The following RIC3 variants were observed in gnomAD, a reference collection of about 807,000 sequenced individuals.
RIC3 encodes the protein protein RIC-3.
A neutral mutation model predicts 27.3 loss-of-function variants in RIC3; 28 were observed. That is an observed-to-expected ratio of 1.02 (90% CI 0.76 to 1.41). RIC3 has a LOEUF of 1.41. RIC3 is among the 40% of genes most tolerant of loss of function. The pLI is 0.00. For synonymous variants in RIC3, 184 were observed against 160.4 expected (o/e 1.15, Z -1.11); for missense variants, 501 against 444.7 (o/e 1.13, Z -1.14).
intron 1 of RIC3, among the ~76,000 whole-genome samples, chr11:8,145,335 G>C (rs1247567397): frequency 2.0e-5 from 3 of 152,044 alleles, no homozygotes; most frequent in African/African-American, 7.2e-5. Flanking sequence ...GGGGCCATAA[G>C]GTTTTTTCTT....
intron 4 of RIC3, among the ~76,000 whole-genome samples, chr11:8,131,900 CAAAAAAAAAAAAAAA>C (rs796158730): frequency 7.6e-5 from 2 of 26,190 alleles, no homozygotes; most frequent in South Asian, 4.3e-3. Flanking sequence ...GACTCCATCT[CAAAAAAAAAAAAAAA>C]AAAAAAAAAA....
the RIC3 span, chr11:8,094,014 T>C: frequency 6.2e-7 from 1 of 1,613,940 alleles, no homozygotes; most frequent in Non-Finnish European, 8.5e-7. Flanking sequence ...TGCCTGTTTC[T>C]CTCTCTCCAT....
At chr11:8,153,034 A>G (rs1950374854) in intron 1 of RIC3, among the ~76,000 whole-genome samples, 1 of 152,228 alleles carries the variant, frequency 6.6e-6, no homozygotes, top group African/African-American at 2.4e-5. Context: ...AGAACTGATT[A>G]AAGAAGTTAA....
intron 1 of RIC3, among the ~76,000 whole-genome samples, chr11:8,158,347 G>A (rs1950862107): frequency 6.6e-6 from 1 of 152,158 alleles, no homozygotes; most frequent in Middle Eastern, 3.4e-3. Context: ...ATTCAGGCAG[G>A]GTCAGCAGGA....
intron 1 of RIC3, among the ~76,000 whole-genome samples, chr11:8,167,899 C>A (rs538173279): frequency 6.6e-6 from 1 of 152,292 alleles, no homozygotes; most frequent in African/African-American, 2.4e-5. Context: ...TGCCCTCCAC[C>A]CCTAAAGCTT....
chr11:8,120,799 A>C (rs1028327108), intron 5 of RIC3, among the ~76,000 whole-genome samples: 23 of 152,294 alleles, frequency 1.5e-4, no homozygotes, highest in African/African-American at 4.6e-4. Flanking sequence ...TGAGAAAAAG[A>C]AGCAGACCAG....
chr11:8,097,930 T>C, the RIC3 span: 3 of 831,820 alleles, frequency 3.6e-6, no homozygotes, highest in African/African-American at 3.4e-5. Flanking sequence ...AGGCCAGGGA[T>C]GGATACTCTC....
At chr11:8,100,867 G>A in the RIC3 span, 1,624 of 1,614,140 alleles carry the variant, frequency 1.0e-3, 25 homozygotes, top group East Asian at 0.03. Context: ...ATAAGAACAC[G>A]GAGAGTATCA....
At chr11:8,098,930 C>A in the RIC3 span, 1 of 1,293,658 alleles carries the variant, frequency 7.7e-7, no homozygotes, top group East Asian at 2.3e-5. Flanking sequence ...AAATCCAGGA[C>A]TTGATGCCTG....
At chr11:8,153,441 AATT>A (rs922096271) in intron 1 of RIC3, 11 of 452,460 alleles carry the variant, frequency 2.4e-5, no homozygotes, top group African/African-American at 1.8e-4. Flanking sequence ...ACAAAAAAGT[AATT>A]ATCACATAGT....
At chr11:8,121,034 A>C (rs1946388863) in intron 5 of RIC3, among the ~76,000 whole-genome samples, 1 of 152,240 alleles carries the variant, frequency 6.6e-6, no homozygotes, top group South Asian at 2.1e-4. Context: ...TTTAAATTCA[A>C]GAAAGATGAT....
At chr11:8,161,944 A>G (rs1266963607) in intron 1 of RIC3, among the ~76,000 whole-genome samples, 8 of 120,292 alleles carry the variant, frequency 6.7e-5, no homozygotes, top group Admixed American at 1.8e-4. Flanking sequence ...TGAGGAGGTA[A>G]TGTCCGAAAC....
the RIC3 span, chr11:8,100,621 T>C: frequency 1.9e-6 from 3 of 1,604,586 alleles, no homozygotes; most frequent in Non-Finnish European, 2.6e-6. Context: ...TACCCCTTCC[T>C]CCCCTCTTTC....
At chr11:8,111,487 C>T (rs887210382) in intron 5 of RIC3, among the ~76,000 whole-genome samples, 1 of 152,156 alleles carries the variant, frequency 6.6e-6, no homozygotes, top group Non-Finnish European at 1.5e-5. Context: ...CAAAACCAGA[C>T]AGAGACAGCA....
intron 5 of RIC3, among the ~76,000 whole-genome samples, chr11:8,123,187 G>C (rs567944203): frequency 8.6e-5 from 13 of 151,404 alleles, no homozygotes; most frequent in Non-Finnish European, 1.5e-4. Flanking sequence ...AACTAAGCAT[G>C]GTAAGAAAAA....
chr11:8,151,049 C>T (rs945391473), intron 1 of RIC3, among the ~76,000 whole-genome samples: 1 of 152,126 alleles, frequency 6.6e-6, no homozygotes, highest in African/African-American at 2.4e-5. Context: ...TACAGGAAAA[C>T]ATAGACATAA....
At chr11:8,136,802 C>T (rs11041762) in intron 4 of RIC3, among the ~76,000 whole-genome samples, 6,315 of 152,268 alleles carry the variant, frequency 0.041, 155 homozygotes, top group Middle Eastern at 0.082. Context: ...TTTCTTAAAT[C>T]ATAGTTATTT....
At chr11:8,105,882 G>A (rs1201535856), downstream of RIC3, 1 of 152,196 alleles carries the variant, frequency 6.6e-6, no homozygotes, top group Non-Finnish European at 1.5e-5. Context: ...AGGATGGCTA[G>A]GAAAGGGAAG....
chr11:8,137,110 C>T (rs922372183), intron 4 of RIC3, among the ~76,000 whole-genome samples: 1 of 152,136 alleles, frequency 6.6e-6, no homozygotes, highest in East Asian at 1.9e-4. Context: ...CTGCAACCTC[C>T]GCCTCCCAGG....
Sources: gnomAD v4.1 joint callset for allele counts (sites outside exome capture counted in the v4.1 genomes callset) on GRCh38, gnomAD v4.1.1 for gene constraint, MANE v1.5 for transcripts, NCBI Gene and HGNC (gene_info 2026-07-23, HGNC 2026-07-21) for gene names.